Variants in TASP1 observed in about 807,000 individuals in gnomAD.
TASP1 encodes taspase 1, also known as threonine aspartase 1.
In TASP1, 16 loss-of-function variants were observed where a neutral mutation model predicts 56.6. That is an observed-to-expected ratio of 0.28 (90% CI 0.19 to 0.43). TASP1 has a LOEUF of 0.43. Ranked by LOEUF, TASP1 falls within the 20% of genes least tolerant of loss-of-function variation. The pLI is 1.00. For synonymous variants in TASP1, 179 were observed against 184.2 expected (o/e 0.97, Z 0.23); for missense variants, 393 against 511.6 (o/e 0.77, Z 2.24).
chr20:13,308,454 T>C, the TASP1 span, among the ~76,000 whole-genome samples: 5 of 152,300 alleles, frequency 3.3e-5, no homozygotes, highest in Non-Finnish European at 7.3e-5. Context: ...TATGGTGTTA[T>C]GAATTGAACA....
chr20:13,611,870 T>C (rs1015871482), intron 4 of TASP1, among the ~76,000 whole-genome samples: 2 of 152,204 alleles, frequency 1.3e-5, no homozygotes, highest in African/African-American at 4.8e-5. Context: ...CATTTTTACA[T>C]GTTGACAACA....
chr20:13,212,204 A>G, the TASP1 span, among the ~76,000 whole-genome samples: 1 of 152,176 alleles, frequency 6.6e-6, no homozygotes, highest in Non-Finnish European at 1.5e-5. Flanking sequence ...CCCTTAAAGC[A>G]TGCTGAGCCT....
At chr20:13,562,906 C>CAT (rs201705112) in intron 7 of TASP1, among the ~76,000 whole-genome samples, 3,525 of 119,530 alleles carry the variant, frequency 0.029, 84 homozygotes, top group African/African-American at 0.056. Context: ...TCTCTATATA[C>CAT]ATATATATAT....
Position 13,604,076 on chromosome 20 carries a change from C to T in TASP1, c.283-16706G>A, listed in dbSNP as rs1027516459. Among the ~76,000 whole-genome samples, 11 of 152,270 alleles carry T rather than the reference C, an allele frequency of 7.2e-5. No homozygotes were observed. In the East Asian group the frequency reaches 2.1e-3, roughly 29 times the overall value. ...TTAGTAATTTTCCATCCACTGACTC[C>T]TACCCAGTTTTTTAGCTATAAATTG... is the stretch of plus-strand genomic sequence containing the variant. On this transcript the variant is annotated intron_variant, in intron 4 of 13. Coordinates refer to ENST00000337743, the MANE Select transcript of TASP1 (RefSeq NM_017714.3).
At chr20:13,412,664 C>G (rs954117113) in intron 13 of TASP1, among the ~76,000 whole-genome samples, 2 of 152,120 alleles carry the variant, frequency 1.3e-5, no homozygotes, top group Non-Finnish European at 2.9e-5. Flanking sequence ...CTCTGCTATC[C>G]TTTGTAAATA....
At chr20:13,195,398 T>C in the TASP1 span, among the ~76,000 whole-genome samples, 1 of 152,160 alleles carries the variant, frequency 6.6e-6, no homozygotes, top group African/African-American at 2.4e-5. Flanking sequence ...TCTCTGCCCG[T>C]GTGGAAGTCA....
At chr20:13,183,804 C>A in the TASP1 span, among the ~76,000 whole-genome samples, 1 of 151,768 alleles carries the variant, frequency 6.6e-6, no homozygotes, top group Non-Finnish European at 1.5e-5. Flanking sequence ...CTGAGGTGGG[C>A]GGATCACGAG....
chr20:13,510,599 T>C (rs1366156600), intron 10 of TASP1, among the ~76,000 whole-genome samples: 1 of 152,198 alleles, frequency 6.6e-6, no homozygotes, highest in Non-Finnish European at 1.5e-5. Context: ...AAATACCTAA[T>C]CTATAACTTT....
In TASP1 at chr20:13,456,444, C is replaced by G. The variant is rs142444656; in HGVS notation, c.986-21290G>C. On this transcript the variant is annotated intron_variant, in intron 11 of 13. Transcript: ENST00000337743. The stretch of plus-strand genomic sequence containing the variant: ...CCATATAGTCCTGATTTGGCTCCTT[C>G]TTTTTGTTTGCTATCCTAAAGAAAA... 2.6e-3 allele frequency among the ~76,000 whole-genome samples: 392 copies of G among 152,182 alleles called. 2 individuals are homozygous for G. Among genetic ancestry groups the G allele is most frequent in the African/African-American group, 8.7e-3 (362 of 41,538 alleles).
chr20:13,565,139 T>C (rs1014553906), intron 7 of TASP1, among the ~76,000 whole-genome samples: 1 of 151,890 alleles, frequency 6.6e-6, no homozygotes. Context: ...CACCATTCAA[T>C]AGGGAAACAA....
At chr20:13,222,769 G>A in the TASP1 span, among the ~76,000 whole-genome samples, 1 of 152,310 alleles carries the variant, frequency 6.6e-6, no homozygotes, top group East Asian at 1.9e-4. Context: ...CTATGTTAGC[G>A]CCTTTCCTTG....
intron 10 of TASP1, among the ~76,000 whole-genome samples, chr20:13,506,881 C>CAAA (rs3042648): frequency 0.11 from 15,312 of 143,808 alleles, 849 homozygotes; most frequent in Admixed American, 0.16. Flanking sequence ...GAAATTAGGC[C>CAAA]AAAAAAAAAA....
Position 13,390,450 on chromosome 20 carries a change from A to C in TASP1, c.1173T>G (p.Thr391=). ...YMSAQDGKAK[T]HISRLPPGAV... is the part of the protein sequence containing the mutation. ...CACCAGGAGGAAGTCTTGAAATGTG[A>C]GTCTGCAGAGAGAGAGAGACAGCAG... The change falls in exon 14 of 14, where the codon ACT becomes ACG. Residue 391 remains threonine (T), a splice_region_variant and synonymous_variant. Coordinates refer to ENST00000337743, the MANE Select transcript of TASP1 (RefSeq NM_017714.3). 6.2e-7 allele frequency: 1 copy of C among 1,613,352 alleles called. No homozygotes were observed. The highest frequency in any genetic ancestry group is 8.5e-7 in the Non-Finnish European group (1 of 1,179,678).
At chr20:13,309,088 G>A in the TASP1 span, among the ~76,000 whole-genome samples, 121,321 of 152,068 alleles carry the variant, frequency 0.8, 48,467 homozygotes, top group East Asian at 0.86. Flanking sequence ...GACAGTATAT[G>A]AAAGTAGTAT....
At chr20:13,429,271 T>C (rs1231634138) in intron 12 of TASP1, among the ~76,000 whole-genome samples, 2 of 152,200 alleles carry the variant, frequency 1.3e-5, no homozygotes, top group Non-Finnish European at 2.9e-5. Flanking sequence ...TCGAAGAAGA[T>C]TCACATTTGA....
At chr20:13,164,654 A>G in the TASP1 span, 2 of 844,766 alleles carry the variant, frequency 2.4e-6, no homozygotes, top group East Asian at 2.7e-5. Context: ...TAGCAAACTA[A>G]GACTGTGTGT....
intron 6 of TASP1, among the ~76,000 whole-genome samples, chr20:13,579,146 G>C (rs563733024): frequency 6.6e-6 from 1 of 152,132 alleles, no homozygotes; most frequent in Non-Finnish European, 1.5e-5. Context: ...CACACAATAG[G>C]AAATATTGGG....
chr20:13,638,273 C>T (rs186282769), intron 1 of TASP1, among the ~76,000 whole-genome samples: 113 of 152,186 alleles, frequency 7.4e-4, no homozygotes, highest in Non-Finnish European at 8.7e-4. Context: ...ACCTTTCCTT[C>T]CCCTCCCCTA....
At chr20:13,161,620 G>C in the TASP1 span, among the ~76,000 whole-genome samples, 99 of 152,280 alleles carry the variant, frequency 6.5e-4, no homozygotes, top group African/African-American at 2.3e-3. Flanking sequence ...AAAGTTTCAA[G>C]AAGGAGGAGG....
Sources: gnomAD v4.1 joint callset for allele counts (sites outside exome capture counted in the v4.1 genomes callset) on GRCh38, gnomAD v4.1.1 for gene constraint, MANE v1.5 for transcripts, NCBI Gene and HGNC (gene_info 2026-07-23, HGNC 2026-07-21) for gene names.